The following TLK2 variants were observed in gnomAD, a reference collection of about 807,000 sequenced individuals.
TLK2 encodes the protein serine/threonine-protein kinase tousled-like 2.
In TLK2, 6 loss-of-function variants were observed where a neutral mutation model predicts 117.3. The observed-to-expected ratio is 0.05, with a 90% confidence interval of 0.03 to 0.10. The LOEUF is 0.10. TLK2 is among the 10% of genes least tolerant of loss of function. The pLI is 1.00. For synonymous variants in TLK2, 257 were observed against 316.7 expected, an observed-to-expected ratio of 0.81 and a Z score of 2.00; for missense variants, 299 against 901.2, an observed-to-expected ratio of 0.33 and a Z score of 8.56.
At chr17:62,607,406 G>C (rs1016563683) in intron 20 of TLK2, among the ~76,000 whole-genome samples, 1 of 151,728 alleles carries the variant, frequency 6.6e-6, no homozygotes, top group Non-Finnish European at 1.5e-5. Flanking sequence ...GCGGGTGCCT[G>C]TAGTCCCAGC....
At chr17:62,605,852 T>A (rs946874588) in intron 19 of TLK2, among the ~76,000 whole-genome samples, 13 of 151,390 alleles carry the variant, frequency 8.6e-5, no homozygotes, top group Non-Finnish European at 1.3e-4. Context: ...AAATTTTTTT[T>A]AAAAACTACC....
At chr17:62,544,564 A>G (rs1302999770) in intron 7 of TLK2, among the ~76,000 whole-genome samples, 1 of 152,064 alleles carries the variant, frequency 6.6e-6, no homozygotes, top group East Asian at 1.9e-4. Flanking sequence ...AGAAAAAACC[A>G]TACCACCTGT....
intron 21 of TLK2, among the ~76,000 whole-genome samples, chr17:62,609,661 T>C (rs2083586275): frequency 6.6e-6 from 1 of 152,212 alleles, no homozygotes; most frequent in Non-Finnish European, 1.5e-5. Context: ...TCCTGACTTG[T>C]CCTAGGAGAG....
At chr17:62,488,972 C>T (rs1356327551) in intron 2 of TLK2, among the ~76,000 whole-genome samples, 1 of 151,590 alleles carries the variant, frequency 6.6e-6, no homozygotes, top group African/African-American at 2.4e-5. Context: ...CCTACAGGCA[C>T]ACACCACCAC....
chr17:62,536,366 T>G, intron 7 of TLK2, 29 bp downstream of exon 7: 3 of 1,590,798 alleles, frequency 1.9e-6, no homozygotes, highest in Non-Finnish European at 2.6e-6. Flanking sequence ...TTAATTCATA[T>G]CCTTTCCATT....
intron 17 of TLK2, 180 bp from the exon 18 acceptor site, chr17:62,600,471 G>A (rs1018372757): frequency 1.5e-5 from 8 of 537,186 alleles, no homozygotes; most frequent in Non-Finnish European, 2.6e-5. Context: ...AAGAGAATAA[G>A]CAGTTTCTTA....
At chr17:62,553,840 C>T (rs1426866048) in intron 9 of TLK2, 85 bp downstream of exon 9, 1 of 843,930 alleles carries the variant, frequency 1.2e-6, no homozygotes. Flanking sequence ...GAAGTAATTA[C>T]TATAGCCAAA....
chr17:62,485,009 C>T (rs974556382), intron 2 of TLK2, among the ~76,000 whole-genome samples: 4 of 151,846 alleles, frequency 2.6e-5, no homozygotes, highest in African/African-American at 9.7e-5. Context: ...TGAGCCTGGG[C>T]GACAGAGCAA....
chr17:62,499,565 G>C (rs1174139246), intron 2 of TLK2, among the ~76,000 whole-genome samples: 1 of 151,882 alleles, frequency 6.6e-6, no homozygotes, highest in African/African-American at 2.4e-5. Flanking sequence ...AGTATTATTT[G>C]TTTGCCAGGC....
chr17:62,586,302 C>T (rs911733728), intron 16 of TLK2, 76 bp downstream of exon 16: 23 of 1,022,272 alleles, frequency 2.2e-5, no homozygotes, highest in Middle Eastern at 2.1e-4. Context: ...ACAAGCTTTA[C>T]GTGCATTGTT....
intron 6 of TLK2, among the ~76,000 whole-genome samples, chr17:62,533,392 C>CTG (rs1185230905): frequency 7.0e-4 from 55 of 78,908 alleles, no homozygotes; most frequent in African/African-American, 1.6e-3. Flanking sequence ...GTGTGTGTGT[C>CTG]TGTGTGTGTG....
chr17:62,559,406 T>A (rs1421181306), intron 9 of TLK2, among the ~76,000 whole-genome samples: 5 of 151,474 alleles, frequency 3.3e-5, no homozygotes, highest in African/African-American at 9.7e-5. Context: ...TGAGATGAAG[T>A]CTTACTCTGT....
intron 10 of TLK2, among the ~76,000 whole-genome samples, chr17:62,563,658 C>T (rs137951081): frequency 2.4e-3 from 360 of 152,134 alleles, no homozygotes; most frequent in African/African-American, 7.9e-3. Flanking sequence ...AATTCTTTAC[C>T]GCGTCTGTAC....
At chr17:62,523,423 A>G (rs1348548909) in intron 5 of TLK2, among the ~76,000 whole-genome samples, 2 of 152,200 alleles carry the variant, frequency 1.3e-5, no homozygotes, top group Admixed American at 1.3e-4. Flanking sequence ...TACAAAAAAC[A>G]GAAAAAATTA....
intron 2 of TLK2, among the ~76,000 whole-genome samples, chr17:62,499,790 G>C (rs1383902204): frequency 1.3e-5 from 2 of 151,722 alleles, no homozygotes; most frequent in African/African-American, 4.8e-5. Context: ...GGCAGAGGTT[G>C]CATTGAGCTG....
upstream of TLK2, among the ~76,000 whole-genome samples, chr17:62,475,426 T>C (rs144113648): frequency 8.7e-3 from 1,332 of 152,276 alleles, 18 homozygotes; most frequent in African/African-American, 0.031. Context: ...CACTGCAACC[T>C]TCGACTCCCA....
chr17:62,523,933 G>A (rs935241952), intron 5 of TLK2, among the ~76,000 whole-genome samples: 2 of 152,168 alleles, frequency 1.3e-5, no homozygotes, highest in Non-Finnish European at 2.9e-5. Flanking sequence ...TTTCTGCTTC[G>A]TGTATTTGGA....
chr17:62,557,525 C>T (rs2078948805), intron 9 of TLK2, among the ~76,000 whole-genome samples: 1 of 152,098 alleles, frequency 6.6e-6, no homozygotes, highest in South Asian at 2.1e-4. Flanking sequence ...CATATGTAGT[C>T]TCAGCACTGT....
chr17:62,583,314 C>T (rs567511952), intron 15 of TLK2, among the ~76,000 whole-genome samples: 2 of 152,162 alleles, frequency 1.3e-5, no homozygotes, highest in South Asian at 2.1e-4. Flanking sequence ...AGGCTAGTCT[C>T]GAACTCCTGA....
Sources: allele counts gnomAD v4.1 joint callset (sites outside exome capture counted in the v4.1 genomes callset), GRCh38; gene constraint gnomAD v4.1.1; transcripts MANE v1.5; gene names NCBI Gene and HGNC (gene_info 2026-07-23, HGNC 2026-07-21).